Variants in MAP6 observed in about 807,000 individuals in gnomAD.
MAP6 encodes microtubule-associated protein 6.
A neutral mutation model predicts 42.4 loss-of-function variants in MAP6; 26 were observed. The observed-to-expected ratio is 0.61, with a 90% CI of 0.45 to 0.85. MAP6 has a LOEUF of 0.85. MAP6 is among the 40% of genes least tolerant of loss of function. The probability of loss-of-function intolerance (pLI) is 0.00; values close to 1 mark genes in which losing one functional copy is unlikely to be tolerated. For missense variants in MAP6, 966 were observed against 1,099.0 expected (o/e 0.88, Z 1.71); for synonymous variants, 418 against 443.8 (o/e 0.94, Z 0.73).
At chr11:75,626,768 G>C (rs1445958454) in intron 1 of MAP6, among the ~76,000 whole-genome samples, 1 of 152,178 alleles carries the variant, frequency 6.6e-6, no homozygotes, top group Non-Finnish European at 1.5e-5. Flanking sequence ...TAAGCTCAGA[G>C]AGGTGAGGTT....
At chr11:75,653,236 A>G (rs778220868) in intron 1 of MAP6, among the ~76,000 whole-genome samples, 36 of 152,230 alleles carry the variant, frequency 2.4e-4, no homozygotes, top group Non-Finnish European at 4.4e-4. Context: ...ATAAAAGGAC[A>G]AGGCCCAGGC....
chr11:75,667,702 C>G lies in MAP6; in HGVS notation c.668G>C (p.Gly223Ala). The stretch of plus-strand genomic sequence containing the variant: ...GGACGCCTTTCCGGCCGCCAGGCCA[C>G]CCGCTCCGCCGGGGGCCGCCTCCTG... ...REQEAAPGGA[G>A]GLAAGKASGA... The change falls in exon 1 of 4, where the codon GGT (glycine) becomes GCT (alanine). Residue 223 changes from glycine (G) to alanine (A), a missense_variant. Gly to Ala is a moderately conservative substitution (Grantham distance 60). Transcript: ENST00000304771. The surrounding 1 kb of genome is among the most constrained non-coding windows in gnomAD (Gnocchi z 5.6). 7.8e-7 allele frequency: 1 copy of G among 1,282,856 alleles called. No homozygotes were observed. Among genetic ancestry groups the G allele is most frequent in the Non-Finnish European group, 9.8e-7 (1 of 1,018,526 alleles). 79.5% of individuals were successfully genotyped at this position (1,282,856 alleles called of 1,614,324 possible). A position where few individuals can be genotyped will look rare whatever the true frequency, so the allele number is the denominator to read the frequency against.
At chr11:75,628,279 T>G (rs1590784812) in intron 1 of MAP6, among the ~76,000 whole-genome samples, 1 of 151,080 alleles carries the variant, frequency 6.6e-6, no homozygotes, top group African/African-American at 2.4e-5. Flanking sequence ...ATGCTGGGGG[T>G]GAGGAAGGAG....
chr11:75,641,837 C>T (rs1405337525), intron 1 of MAP6, among the ~76,000 whole-genome samples: 6 of 152,206 alleles, frequency 3.9e-5, no homozygotes, highest in Non-Finnish European at 8.8e-5. Flanking sequence ...GAATTCTACT[C>T]AACCCCCAGA....
intron 1 of MAP6, among the ~76,000 whole-genome samples, chr11:75,648,874 C>T (rs1445491280): frequency 6.6e-6 from 1 of 152,044 alleles, no homozygotes. Context: ...ATGAAGTAAA[C>T]AAAACATTTC....
intron 1 of MAP6, among the ~76,000 whole-genome samples, chr11:75,648,420 C>G (rs746623301): frequency 6.6e-6 from 1 of 152,074 alleles, no homozygotes; most frequent in South Asian, 2.1e-4. Flanking sequence ...ATTGCTTGAC[C>G]CTGGAAGGTC....
At position 75,588,198 on chromosome 11, in the gene MAP6, A is replaced by G. The variant is rs776528197; in HGVS notation, c.1317-14T>C. 1 of 1,604,146 alleles carries G rather than the reference A, an allele frequency of 6.2e-7. No homozygotes were observed. Among genetic ancestry groups the G allele is most frequent in the Non-Finnish European group, 8.5e-7 (1 of 1,176,606 alleles). ...TGAGCCAGGCTCCTGCAAAGGAGAG[A>G]GAGGTGATCACTGTGAGAGTAGAGC... On this transcript the variant is annotated splice_polypyrimidine_tract_variant and intron_variant, in intron 3 of 3. Transcript: ENST00000304771.
chr11:75,652,289 T>TC (rs1229350988), intron 1 of MAP6, among the ~76,000 whole-genome samples: 1 of 152,152 alleles, frequency 6.6e-6, no homozygotes, highest in East Asian at 1.9e-4. Context: ...AAAGCTTGTC[T>TC]CCCACCATGT....
At chr11:75,606,651 A>G (rs1942783044) in intron 2 of MAP6, among the ~76,000 whole-genome samples, 2 of 152,310 alleles carry the variant, frequency 1.3e-5, no homozygotes, top group South Asian at 2.1e-4. Context: ...GCTCACCCAT[A>G]TGGAGAAGCA....
At chr11:75,608,609 C>T (rs1194065958) in intron 1 of MAP6, among the ~76,000 whole-genome samples, 4 of 152,204 alleles carry the variant, frequency 2.6e-5, no homozygotes, top group Non-Finnish European at 5.9e-5. Context: ...ATCTTCAGGG[C>T]TCTTTTTCCC....
At chr11:75,640,163 C>T (rs545155054) in intron 1 of MAP6, among the ~76,000 whole-genome samples, 2 of 151,662 alleles carry the variant, frequency 1.3e-5, no homozygotes, top group South Asian at 4.2e-4. Flanking sequence ...CAGTCCCTTG[C>T]ATACACCCCT....
At chr11:75,661,500 G>A (rs1340133790) in intron 1 of MAP6, among the ~76,000 whole-genome samples, 2 of 151,694 alleles carry the variant, frequency 1.3e-5, no homozygotes, top group Non-Finnish European at 2.9e-5. Flanking sequence ...ATCTAAACAA[G>A]ATTTATCCCA....
intron 1 of MAP6, among the ~76,000 whole-genome samples, chr11:75,608,789 C>T (rs969681486): frequency 2.6e-5 from 4 of 152,190 alleles, no homozygotes; most frequent in Admixed American, 2.6e-4. Flanking sequence ...CAGTTCCCTT[C>T]CCCCCTTTTT....
chr11:75,659,455 C>T (rs1281510943), intron 1 of MAP6, among the ~76,000 whole-genome samples: 1 of 152,178 alleles, frequency 6.6e-6, no homozygotes, highest in Non-Finnish European at 1.5e-5. Context: ...GTACTCCAGC[C>T]TGGGCGATAG....
intron 1 of MAP6, among the ~76,000 whole-genome samples, chr11:75,618,860 C>A (rs954267305): frequency 1.3e-5 from 2 of 152,208 alleles, no homozygotes; most frequent in East Asian, 1.9e-4. Context: ...CCCTTTGTCT[C>A]CCCCAGAAGC....
At chr11:75,643,911 A>C (rs1215992265) in intron 1 of MAP6, among the ~76,000 whole-genome samples, 1 of 152,208 alleles carries the variant, frequency 6.6e-6, no homozygotes, top group Admixed American at 6.5e-5. Flanking sequence ...TGAATGGATG[A>C]ATAGATGGAT....
intron 1 of MAP6, among the ~76,000 whole-genome samples, chr11:75,634,162 A>C (rs1178656699): frequency 6.6e-6 from 1 of 152,250 alleles, no homozygotes; most frequent in Non-Finnish European, 1.5e-5. Flanking sequence ...GAATGAGTGA[A>C]GAATCTTACA....
intron 1 of MAP6, among the ~76,000 whole-genome samples, chr11:75,615,987 T>G: frequency 6.6e-6 from 1 of 151,672 alleles, no homozygotes; most frequent in Admixed American, 6.6e-5. Context: ...GGTTTGGCCC[T>G]GGAAAGTGTT....
In MAP6 at chr11:75,667,730, C is replaced by T; in HGVS notation, c.640G>A (p.Glu214Lys). 1 of 1,301,260 alleles carries T rather than the reference C, an allele frequency of 7.7e-7. No individual in the cohort carries two copies. Among genetic ancestry groups the T allele is most frequent in the Non-Finnish European group, 9.7e-7 (1 of 1,027,124 alleles). The allele number at this position is 1,301,260 out of a possible 1,614,324, so 80.6% of individuals were successfully genotyped here. Residue 214 changes from glutamate to lysine, a missense_variant, in exon 1 of 4, where the codon GAG becomes AAG. Around this residue, in one of 2 missense-constraint regions of MAP6, gnomAD observed 943 missense variants for 1,049.9 expected, o/e 0.90. Transcript: ENST00000304771. This position sits in a 1 kb window ranked among gnomAD's most constrained non-coding sequence, Gnocchi z 5.6. ...GCTCCGCCGGGGGCCGCCTCCTGCTCCCGGGCCTCAGCGGCGGCCTGCACT... is the reference window on the plus strand; with the variant it reads ...GCTCCGCCGGGGGCCGCCTCCTGCTTCCGGGCCTCAGCGGCGGCCTGCACT... ...WPVQAAAEAR[E>K]QEAAPGGAGG...
Sources: allele counts gnomAD v4.1 joint callset (sites outside exome capture counted in the v4.1 genomes callset), GRCh38; gene constraint gnomAD v4.1.1; regional missense constraint gnomAD v4.1.1; non-coding constraint Gnocchi (gnomAD v3.1); transcripts MANE v1.5; gene names NCBI Gene and HGNC (gene_info 2026-07-23, HGNC 2026-07-21).